Variants in SEMA4D observed in about 807,000 individuals in gnomAD.
SEMA4D encodes the protein semaphorin 4D, also known as semaphorin-4D.
Under a neutral mutation model 74.8 loss-of-function variants are expected in SEMA4D, and 22 were observed. That is an observed-to-expected ratio of 0.29 (90% CI 0.21 to 0.42). The LOEUF (loss-of-function observed/expected upper bound fraction) is 0.42. Ranked by LOEUF, SEMA4D falls within the 10% of genes least tolerant of loss-of-function variation. SEMA4D has a pLI of 1.00. For synonymous variants in SEMA4D, 445 were observed against 463.7 expected, an observed-to-expected ratio of 0.96 and a Z score of 0.52; for missense variants, 937 against 1,118.4, an observed-to-expected ratio of 0.84 and a Z score of 2.31.
chr9:89,420,474 C>A (rs1315932281), intron 2 of SEMA4D, among the ~76,000 whole-genome samples: 1 of 152,250 alleles, frequency 6.6e-6, no homozygotes, highest in Non-Finnish European at 1.5e-5. Flanking sequence ...ATTTCCCTCT[C>A]ATGGCCTTCA....
rs1841673116 is a variant in SEMA4D at position 89,399,258 on chromosome 9, C to T, written c.315+18G>A. ...AATACTTGAATGGGATTCTTTGTAG[C>T]TTGCAAAAGAAATTTACCTGTTTTG... is the stretch of plus-strand genomic sequence containing the variant. On this transcript the variant is annotated intron_variant, in intron 5 of 15. Transcript: ENST00000422704. 6.2e-7 allele frequency: 1 copy of T among 1,606,606 alleles called. No homozygotes were observed. Among genetic ancestry groups the T allele is most frequent in the Non-Finnish European group, 8.5e-7 (1 of 1,173,140 alleles).
intron 2 of SEMA4D, among the ~76,000 whole-genome samples, chr9:89,454,710 C>T (rs1855513399): frequency 6.6e-6 from 1 of 152,220 alleles, no homozygotes; most frequent in Admixed American, 6.5e-5. Context: ...GTGAGGGCAG[C>T]ATTCTGCACA....
At chr9:89,461,166 C>A (rs1164763290) in intron 1 of SEMA4D, among the ~76,000 whole-genome samples, 2 of 152,142 alleles carry the variant, frequency 1.3e-5, no homozygotes, top group African/African-American at 4.8e-5. Flanking sequence ...CACTCTCCCC[C>A]TACAAAATGA....
intron 2 of SEMA4D, among the ~76,000 whole-genome samples, chr9:89,429,520 C>T (rs1050052655): frequency 5.9e-5 from 9 of 152,236 alleles, no homozygotes; most frequent in African/African-American, 1.9e-4. Context: ...GTTCCCCGCC[C>T]TGCATCAGAG....
At chr9:89,419,358 C>T (rs1332530879) in intron 2 of SEMA4D, among the ~76,000 whole-genome samples, 2 of 152,176 alleles carry the variant, frequency 1.3e-5, no homozygotes, top group Non-Finnish European at 2.9e-5. Context: ...CTGACACCGA[C>T]ATTTCCTGTT....
intron 2 of SEMA4D, among the ~76,000 whole-genome samples, chr9:89,428,502 G>A (rs570160058): frequency 6.6e-6 from 1 of 152,316 alleles, no homozygotes; most frequent in East Asian, 1.9e-4. Context: ...GCTACAAATA[G>A]CCAGTCACAG....
intron 2 of SEMA4D, among the ~76,000 whole-genome samples, chr9:89,429,665 C>T (rs1389119685): frequency 6.6e-6 from 1 of 152,148 alleles, no homozygotes; most frequent in Non-Finnish European, 1.5e-5. Context: ...AGAGCAGGTT[C>T]CTGGGTCCCA....
chr9:89,391,486 G>A (rs1007836883), intron 8 of SEMA4D, 71 bp from the exon 9 acceptor site: 79 of 1,532,980 alleles, frequency 5.2e-5, no homozygotes, highest in Non-Finnish European at 6.4e-5. Context: ...GAGGTCACGA[G>A]GCCGGCCAAC....
chr9:89,469,208 A>C (rs981888114), intron 1 of SEMA4D, among the ~76,000 whole-genome samples: 3 of 152,214 alleles, frequency 2.0e-5, no homozygotes, highest in South Asian at 2.1e-4. Context: ...TCTCAATAAC[A>C]ACCAACCACC....
At position 89,386,185 on chromosome 9, in the gene SEMA4D, C is replaced by T. The variant is rs966524919; in HGVS notation, c.1446+182G>A. The T allele has an allele frequency of 1.5e-5, 10 of 655,706 alleles. No individual in the cohort carries two copies. The African/African-American group carries it at 2.0e-4, about 13-fold the overall frequency. The allele number at this position is 655,706 out of a possible 1,614,324, so 40.6% of individuals were successfully genotyped here. A position where few individuals can be genotyped will look rare whatever the true frequency, so the allele number is the denominator to read the frequency against. On this transcript the variant is annotated intron_variant, in intron 13 of 15. Coordinates refer to ENST00000422704, the MANE Select transcript of SEMA4D (RefSeq NM_001371194.2). Reference sequence around the variant, plus strand: ...CCCAGGTCTGCCTTCCTGCCTTCCCCAATTCAGATCCCACAGCTCACGGAA... The same window carrying T: ...CCCAGGTCTGCCTTCCTGCCTTCCCTAATTCAGATCCCACAGCTCACGGAA...
intron 2 of SEMA4D, among the ~76,000 whole-genome samples, chr9:89,406,123 G>A (rs1183740435): frequency 6.6e-6 from 1 of 152,178 alleles, no homozygotes; most frequent in Admixed American, 6.5e-5. Flanking sequence ...GCGAGGAAAC[G>A]GCCAGAAAAA....
At chr9:89,383,573 G>A (rs1390057279) in intron 13 of SEMA4D, among the ~76,000 whole-genome samples, 2 of 152,180 alleles carry the variant, frequency 1.3e-5, no homozygotes, top group Non-Finnish European at 2.9e-5. Context: ...GCTGAGCCAG[G>A]AATGTGGTGG....
At chr9:89,424,958 G>T (rs979102219) in intron 2 of SEMA4D, among the ~76,000 whole-genome samples, 5 of 152,136 alleles carry the variant, frequency 3.3e-5, no homozygotes, top group African/African-American at 1.2e-4. Context: ...GCAGAGGCAG[G>T]TCTCAGCCCC....
chr9:89,411,068 G>A (rs1437220489), intron 2 of SEMA4D, among the ~76,000 whole-genome samples: 4 of 152,242 alleles, frequency 2.6e-5, no homozygotes, highest in Non-Finnish European at 4.4e-5. Context: ...TTCTTAGGAA[G>A]CGAGTGGAGG....
intron 5 of SEMA4D, among the ~76,000 whole-genome samples, chr9:89,398,424 A>G (rs529101793): frequency 3.1e-4 from 47 of 152,294 alleles, no homozygotes; most frequent in African/African-American, 1.1e-3. Flanking sequence ...CTCCGCTGAG[A>G]GCCACTTCCA....
At chr9:89,447,610 C>T (rs1382140561) in intron 2 of SEMA4D, among the ~76,000 whole-genome samples, 1 of 152,158 alleles carries the variant, frequency 6.6e-6, no homozygotes, top group Non-Finnish European at 1.5e-5. Flanking sequence ...CTGCACCGTG[C>T]CCACACCAGC....
intron 1 of SEMA4D, among the ~76,000 whole-genome samples, chr9:89,486,720 T>A (rs1220742178): frequency 1.3e-5 from 2 of 152,140 alleles, no homozygotes; most frequent in Non-Finnish European, 2.9e-5. Context: ...AGCCTGGGAA[T>A]CATAGTGAAA....
At chr9:89,449,631 G>T in intron 2 of SEMA4D, 1 of 1,257,096 alleles carries the variant, frequency 8.0e-7, no homozygotes, top group Non-Finnish European at 1.2e-6. Context: ...AAGATGGGGG[G>T]GTGACATTGC....
intron 13 of SEMA4D, chr9:89,385,809 G>T: frequency 2.8e-6 from 2 of 714,774 alleles, no homozygotes; most frequent in Non-Finnish European, 3.4e-6. Context: ...CAAGGTGGTT[G>T]GAGGTCCCGT....
Sources: allele counts gnomAD v4.1 joint callset (sites outside exome capture counted in the v4.1 genomes callset), GRCh38; gene constraint gnomAD v4.1.1; transcripts MANE v1.5; gene names NCBI Gene and HGNC (gene_info 2026-07-23, HGNC 2026-07-21).